NPC1L1: variants seen among roughly 807,000 people sequenced by gnomAD.
NPC1L1 encodes NPC1-like intracellular cholesterol transporter 1.
Under a neutral mutation model 117.0 loss-of-function variants are expected in NPC1L1, and 98 were observed. The observed-to-expected ratio is 0.84, with a 90% CI of 0.71 to 0.99. NPC1L1 has a LOEUF of 0.99. Among genes scored for constraint, NPC1L1 ranks in the 50% least tolerant of loss-of-function variants. The pLI is 0.00. For missense variants in NPC1L1, 1,540 were observed against 1,710.0 expected (o/e 0.90, Z 1.75); for synonymous variants, 729 against 727.6 (o/e 1.00, Z -0.03).
chr7:44,535,301 T>G (rs1585147277), intron 5 of NPC1L1, among the ~76,000 whole-genome samples: 1 of 151,428 alleles, frequency 6.6e-6, no homozygotes, highest in African/African-American at 2.4e-5. Flanking sequence ...GAGGCGGAGG[T>G]TGCAGTGAGC....
At chr7:44,527,247 T>C (rs903952856) in intron 10 of NPC1L1, among the ~76,000 whole-genome samples, 8 of 151,600 alleles carry the variant, frequency 5.3e-5, no homozygotes, top group African/African-American at 1.9e-4. Flanking sequence ...TCACCTGAGG[T>C]TGGGAGTTCA....
Position 44,536,121 on chromosome 7 carries a change from A to G in NPC1L1, c.1854+135T>C. ...AGGTGAGGCTATAAGAACAGCCATC[A>G]CAATCACCCCGTTCTGAGCAGGCAG... is the stretch of plus-strand genomic sequence containing the variant. On this transcript the variant is annotated intron_variant, in intron 4 of 18. Coordinates refer to ENST00000381160, the MANE Select transcript of NPC1L1 (RefSeq NM_001101648.2). This position sits in a 1 kb window ranked among gnomAD's most constrained non-coding sequence, Gnocchi z 4.7. 1 of 1,536,468 alleles carries G rather than the reference A, an allele frequency of 6.5e-7. No homozygotes were observed. The highest frequency in any genetic ancestry group is 9.0e-7 in the Non-Finnish European group (1 of 1,113,190).
intron 5 of NPC1L1, among the ~76,000 whole-genome samples, chr7:44,535,506 G>A (rs764271791): frequency 2.6e-5 from 4 of 151,600 alleles, no homozygotes; most frequent in Non-Finnish European, 5.9e-5. Context: ...CTCCAGCCTG[G>A]GCAACAGAGC....
chr7:44,522,482 T>A (rs1308187682), intron 10 of NPC1L1, among the ~76,000 whole-genome samples: 1 of 151,972 alleles, frequency 6.6e-6, no homozygotes, highest in Non-Finnish European at 1.5e-5. Flanking sequence ...TGCTTAGAGG[T>A]ACACAGAGGT....
rs779287244 is a variant in NPC1L1, at chr7:44,536,852, C to G, written c.1671G>C (p.Gly557=). ...GAPVFPFLAI[G]GYKGKDYSEA... is the part of the protein sequence containing the mutation. ...GCCCACTTAGCTTACCTTTGTACCC[C>G]CCAATGGCAAGGAAGGGGAAGACAG... The change falls in exon 3 of 19, where the codon GGG becomes GGC. Residue 557 remains glycine (G), a synonymous_variant. Transcript: ENST00000381160. The surrounding 1 kb of genome is among the most constrained non-coding windows in gnomAD (Gnocchi z 4.7). The G allele has an allele frequency of 1.2e-6, 2 of 1,613,786 alleles. No homozygotes were observed. The highest frequency in any genetic ancestry group is 1.7e-6 in the Non-Finnish European group (2 of 1,179,788).
In NPC1L1 at chr7:44,540,038, A is replaced by G. The variant is rs977345733; in HGVS notation, c.359T>C (p.Phe120Ser). The change falls in exon 2 of 19, where the codon TTT becomes TCT. Residue 120 changes from phenylalanine (F) to serine (S), a missense_variant. This residue lies in a region of NPC1L1 where 793 missense variants were observed against 820.4 expected (regional missense o/e 0.97). Transcript: ENST00000381160. ...CGTGTTGTGGCAGTGCAGGTTCACA[A>G]AATTGTCAGAGCAGGCTGGGCAGCG... ...LTRCPACSDNFVNLHCHNTCS... is the reference protein window; with the variant it reads ...LTRCPACSDNSVNLHCHNTCS... 6.2e-7 allele frequency: 1 copy of G among 1,614,192 alleles called. No homozygotes were observed. The highest frequency in any genetic ancestry group is 8.5e-7 in the Non-Finnish European group (1 of 1,180,038).
intron 5 of NPC1L1, among the ~76,000 whole-genome samples, chr7:44,535,191 C>T (rs1415953445): frequency 6.6e-6 from 1 of 152,094 alleles, no homozygotes; most frequent in Admixed American, 6.6e-5. Flanking sequence ...CATGGAGAAA[C>T]CCCATCTCTA....
In NPC1L1 at chr7:44,539,481, G is replaced by A. The variant is rs141563640; in HGVS notation, c.916C>T (p.Arg306Cys). 524 of 1,613,936 alleles carry A rather than the reference G, an allele frequency of 3.2e-4. 2 individuals carry two copies. The African/African-American group carries it at 5.6e-3, about 17-fold the overall frequency. ...CTTTTGTCCCTGGCGGGGGCCACACGGAATCCCACAAGCAGGATGGTGACC... is the reference window on the plus strand; with the variant it reads ...CTTTTGTCCCTGGCGGGGGCCACACAGAATCCCACAAGCAGGATGGTGACC... ...AVVTILLVGFRVAPARDKSKM... is the reference protein window; with the variant it reads ...AVVTILLVGFCVAPARDKSKM... Residue 306 changes from arginine to cysteine, a missense_variant, in exon 2 of 19, where the codon CGT becomes TGT. By Grantham distance (180) the Arg-to-Cys change is radical. Around this residue, in one of 3 missense-constraint regions of NPC1L1, gnomAD observed 793 missense variants for 820.4 expected, o/e 0.97. Coordinates refer to ENST00000381160, the MANE Select transcript of NPC1L1 (RefSeq NM_001101648.2). The surrounding 1 kb of genome is among the most constrained non-coding windows in gnomAD (Gnocchi z 4.4).
chr7:44,516,448 A>T (rs1000337435), intron 16 of NPC1L1, among the ~76,000 whole-genome samples: 1 of 152,178 alleles, frequency 6.6e-6, no homozygotes, highest in South Asian at 2.1e-4. Flanking sequence ...TACAACAAAA[A>T]TTAAAATATT....
chr7:44,517,480 A>G, intron 14 of NPC1L1, 123 bp from the exon 15 acceptor site: 1 of 1,208,510 alleles, frequency 8.3e-7, no homozygotes, highest in Non-Finnish European at 1.2e-6. Context: ...GGGCTCTGCC[A>G]CCACCATTTG....
chr7:44,519,928 C>G (rs1187871817), intron 14 of NPC1L1, among the ~76,000 whole-genome samples: 3 of 151,646 alleles, frequency 2.0e-5, no homozygotes, highest in African/African-American at 7.3e-5. Flanking sequence ...GCCCAGCCTT[C>G]TGAATAGCTG....
chr7:44,521,101 T>C lies in NPC1L1; in HGVS notation c.2971A>G (p.Lys991Glu), dbSNP rs1801340262. 1 of 1,614,070 alleles carries C rather than the reference T, an allele frequency of 6.2e-7. No individual in the cohort carries two copies. Among genetic ancestry groups the C allele is most frequent in the Non-Finnish European group, 8.5e-7 (1 of 1,180,026 alleles). ...CCCATCGTGATGCTCATGCAGTTCT[T>C]TAGGCAGTTCAGAGAGTCTGCAGAG... ...PSTVNSLNCL[K>E]NCMSITMGSV... The change falls in exon 13 of 19, where the codon AAG (lysine) becomes GAG (glutamate). Residue 991 changes from lysine (K) to glutamate (E), a missense_variant. By Grantham distance (56) the Lys-to-Glu change is moderately conservative. Around this residue, in one of 3 missense-constraint regions of NPC1L1, gnomAD observed 742 missense variants for 873.6 expected, o/e 0.85. Transcript: ENST00000381160.
Position 44,536,024 on chromosome 7 carries a change from G to C in NPC1L1, c.1855-56C>G. 3 of 1,611,428 alleles carry C rather than the reference G, an allele frequency of 1.9e-6. No homozygotes were observed. Among genetic ancestry groups the C allele is most frequent in the South Asian group, 2.2e-5 (2 of 90,698 alleles). On this transcript the variant is annotated intron_variant, in intron 4 of 18. Coordinates refer to ENST00000381160, the MANE Select transcript of NPC1L1 (RefSeq NM_001101648.2). The surrounding 1 kb of genome is among the most constrained non-coding windows in gnomAD (Gnocchi z 4.7). ...GACCGTGCCTGCTTCAGCCAGGCCA[G>C]CTCTCAATAGCTCGGTCACTGGGCA...
chr7:44,541,127 C>A, intron 1 of NPC1L1, 79 bp downstream of exon 1: 1 of 1,474,504 alleles, frequency 6.8e-7, no homozygotes, highest in Non-Finnish European at 9.3e-7. Context: ...CACCCAGTAA[C>A]GCTCGCCTGG....
chr7:44,529,907 G>A (rs1380150821), intron 10 of NPC1L1, among the ~76,000 whole-genome samples: 1 of 148,948 alleles, frequency 6.7e-6, no homozygotes, highest in African/African-American at 2.5e-5. Context: ...GGTGGCACAC[G>A]GCTGTAGTCC....
At chr7:44,526,546 C>CAAAAAAAAAAAAAAAAAAAAAAAAAAA (rs372498105) in intron 10 of NPC1L1, among the ~76,000 whole-genome samples, 4 of 68,346 alleles carry the variant, frequency 5.9e-5, no homozygotes, top group African/African-American at 2.1e-4. Flanking sequence ...GACTCCATCT[C>CAAAAAAAAAAAAAAAAAAAAAAAAAAA]AAAAAAAAAA....
Position 44,536,020 on chromosome 7 carries a change from G to T in NPC1L1, c.1855-52C>A, listed in dbSNP as rs1264439382. ...CACTGACCGTGCCTGCTTCAGCCAG[G>T]CCAGCTCTCAATAGCTCGGTCACTG... On this transcript the variant is annotated intron_variant, in intron 4 of 18. Transcript: ENST00000381160. This position sits in a 1 kb window ranked among gnomAD's most constrained non-coding sequence, Gnocchi z 4.7. 1 of 1,611,724 alleles carries T rather than the reference G, an allele frequency of 6.2e-7. No homozygotes were observed. Among genetic ancestry groups the T allele is most frequent in the African/African-American group, 1.3e-5 (1 of 74,870 alleles).
At position 44,538,468 on chromosome 7, in the gene NPC1L1, T is replaced by C. The variant is rs1363566920; in HGVS notation, c.1580+349A>G. On this transcript the variant is annotated intron_variant, in intron 2 of 18. Transcript: ENST00000381160. This position sits in a 1 kb window ranked among gnomAD's most constrained non-coding sequence, Gnocchi z 5.9. ...AACAAGAAGCAAAACATAGCAAATATAAATATGTACTCTGCCAATCGGGCT... is the reference window on the plus strand; with the variant it reads ...AACAAGAAGCAAAACATAGCAAATACAAATATGTACTCTGCCAATCGGGCT... Among the ~76,000 whole-genome samples the C allele has an allele frequency of 6.6e-6, 1 of 152,116 alleles. No homozygotes were observed. Among genetic ancestry groups the C allele is most frequent in the East Asian group, 1.9e-4 (1 of 5,188 alleles).
intron 10 of NPC1L1, among the ~76,000 whole-genome samples, 156 bp downstream of exon 10, chr7:44,531,599 C>T (rs931003277): frequency 2.0e-5 from 3 of 152,192 alleles, no homozygotes; most frequent in Admixed American, 1.3e-4. Flanking sequence ...TGTGGCTTCA[C>T]TCCCCAGGAC....
Sources: allele counts gnomAD v4.1 joint callset (sites outside exome capture counted in the v4.1 genomes callset), GRCh38; gene constraint gnomAD v4.1.1; regional missense constraint gnomAD v4.1.1; non-coding constraint Gnocchi (gnomAD v3.1); transcripts MANE v1.5; gene names NCBI Gene and HGNC (gene_info 2026-07-23, HGNC 2026-07-21).